Variants in MID1 observed in about 807,000 individuals in gnomAD.
The protein encoded by MID1 is midline 1.
A neutral mutation model predicts 40.4 loss-of-function variants in MID1; 7 were observed. That is an observed-to-expected ratio of 0.17 (90% CI 0.10 to 0.33). The LOEUF is 0.33. MID1 is among the 10% of genes least tolerant of loss of function. MID1 has a pLI of 1.00. For synonymous variants in MID1, 229 were observed against 221.2 expected (o/e 1.04, Z -0.31); for missense variants, 367 against 558.5 (o/e 0.66, Z 3.46).
At chrX:10,768,157 A>G (rs2043743621) in intron 1 of MID1, among the ~76,000 whole-genome samples, 1 of 111,821 alleles carries the variant, frequency 8.9e-6, no homozygotes, top group African/African-American at 3.2e-5. Context: ...TTTATTATAT[A>G]TAAAAGATAC....
intron 2 of MID1, among the ~76,000 whole-genome samples, chrX:10,533,132 T>C (rs1933043519): frequency 9.1e-6 from 1 of 109,739 alleles, no homozygotes; most frequent in Non-Finnish European, 1.9e-5. Context: ...TTATGACACA[T>C]GAAAAGTATA....
At chrX:10,679,035 C>T (rs1196989825) in intron 1 of MID1, among the ~76,000 whole-genome samples, 1 of 111,535 alleles carries the variant, frequency 9.0e-6, no homozygotes, top group African/African-American at 3.3e-5. Context: ...CACTTCTAGG[C>T]ACCTATTCTA....
intron 1 of MID1, among the ~76,000 whole-genome samples, chrX:10,827,447 G>T (rs1278815194): frequency 1.1e-4 from 6 of 56,362 alleles, no homozygotes; most frequent in Non-Finnish European, 1.6e-4. Flanking sequence ...TGCTCCCCCC[G>T]TCCCCCCCAC....
At chrX:10,705,611 G>A (rs1200085114) in intron 1 of MID1, among the ~76,000 whole-genome samples, 2 of 112,142 alleles carry the variant, frequency 1.8e-5, no homozygotes, top group Admixed American at 9.5e-5. Flanking sequence ...GAGGCCGTCA[G>A]CCACTACACT....
chrX:10,721,185 A>C (rs1174405929), intron 1 of MID1, among the ~76,000 whole-genome samples: 2 of 111,025 alleles, frequency 1.8e-5, no homozygotes, highest in Non-Finnish European at 3.8e-5. Context: ...GTACCCTAAA[A>C]CTTAAAGTAT....
intron 1 of MID1, among the ~76,000 whole-genome samples, chrX:10,727,135 A>G (rs2043398235): frequency 8.9e-6 from 1 of 111,754 alleles, no homozygotes; most frequent in African/African-American, 3.3e-5. Flanking sequence ...TTTTTTTGAG[A>G]CGGAGTTTCA....
intron 3 of MID1, among the ~76,000 whole-genome samples, chrX:10,514,825 T>C (rs765399462): frequency 9.0e-5 from 10 of 111,604 alleles, no homozygotes; most frequent in Non-Finnish European, 1.9e-4. Context: ...ATTATCATAA[T>C]TCTAGAGCCT....
intron 7 of MID1, among the ~76,000 whole-genome samples, chrX:10,462,688 C>T (rs1929120865): frequency 9.0e-6 from 1 of 110,731 alleles, no homozygotes; most frequent in Admixed American, 9.6e-5. Context: ...GGGTTAGAAG[C>T]ATTTCCCTAC....
At position 10,445,800 on chromosome X, in the gene MID1, T is replaced by G. The variant is rs192588923; in HGVS notation, c.*3568A>C. ...TTTTCAGATATCAGATTTTTGGAAC[T>G]ATTTTATAAATATTTTTAAAGGTGA... is the stretch of plus-strand genomic sequence containing the variant. On this transcript the variant is annotated 3_prime_UTR_variant, in exon 10 of 10. Transcript: ENST00000317552. 9.8e-5 allele frequency: 11 copies of G among 112,170 alleles called. No individual in the cohort carries two copies. In the East Asian group the frequency reaches 3.1e-3, roughly 31 times the overall value. The allele number at this position is 112,170 out of a possible 1,213,427, so 9.2% of individuals were successfully genotyped here. A position where few individuals can be genotyped will look rare whatever the true frequency, so the allele number is the denominator to read the frequency against.
At chrX:10,809,599 T>TA (rs1221742770) in intron 1 of MID1, among the ~76,000 whole-genome samples, 1 of 111,206 alleles carries the variant, frequency 9.0e-6, no homozygotes. Context: ...TATGCAGCCA[T>TA]AAAAAAGGAT....
intron 1 of MID1, among the ~76,000 whole-genome samples, chrX:10,675,383 C>T (rs183111953): frequency 3.0e-4 from 33 of 111,680 alleles, no homozygotes; most frequent in African/African-American, 1.1e-3. Flanking sequence ...AAGATTACCA[C>T]CCTGTCTTGG....
At chrX:10,785,254 T>C (rs1252731315) in intron 1 of MID1, among the ~76,000 whole-genome samples, 1 of 110,053 alleles carries the variant, frequency 9.1e-6, no homozygotes, top group East Asian at 2.8e-4. Context: ...GAATCCAACT[T>C]ACAAGGGATG....
intron 1 of MID1, among the ~76,000 whole-genome samples, chrX:10,769,255 T>C (rs1391698726): frequency 1.8e-5 from 2 of 110,731 alleles, no homozygotes; most frequent in Non-Finnish European, 3.8e-5. Context: ...AAACCCTCTT[T>C]ATCCTACCGC....
intron 1 of MID1, among the ~76,000 whole-genome samples, chrX:10,597,134 A>G (rs1201970957): frequency 1.8e-5 from 2 of 111,396 alleles, no homozygotes; most frequent in African/African-American, 6.5e-5. Context: ...TGTATAATGT[A>G]TATTGGTGAA....
At chrX:10,514,313 A>C (rs1356512072) in intron 3 of MID1, among the ~76,000 whole-genome samples, 1 of 112,384 alleles carries the variant, frequency 8.9e-6, no homozygotes, top group Non-Finnish European at 1.9e-5. Flanking sequence ...TCTAAAAGTA[A>C]TACCAGCTTA....
intron 1 of MID1, among the ~76,000 whole-genome samples, chrX:10,651,015 G>C (rs1471401201): frequency 6.3e-5 from 7 of 111,628 alleles, no homozygotes; most frequent in Non-Finnish European, 1.3e-4. Context: ...CACAAGAAAA[G>C]ATCCCCCACA....
At chrX:10,560,704 G>A (rs1208015038) in intron 2 of MID1, among the ~76,000 whole-genome samples, 1 of 110,870 alleles carries the variant, frequency 9.0e-6, no homozygotes, top group African/African-American at 3.3e-5. Flanking sequence ...ACAAACAACT[G>A]CTCAAGGAAA....
At chrX:10,766,058 AG>A (rs1371364401) in intron 1 of MID1, among the ~76,000 whole-genome samples, 3 of 111,539 alleles carry the variant, frequency 2.7e-5, no homozygotes, top group Non-Finnish European at 5.7e-5. Context: ...CTCTTGCCTT[AG>A]GGTCTGAGCA....
intron 3 of MID1, among the ~76,000 whole-genome samples, chrX:10,496,147 A>G (rs904153766): frequency 1.8e-5 from 2 of 112,652 alleles, no homozygotes; most frequent in Admixed American, 9.4e-5. Context: ...TCCGTAAGCA[A>G]TGTAGCAAGC....
Sources: allele counts gnomAD v4.1 joint callset (sites outside exome capture counted in the v4.1 genomes callset), GRCh38; gene constraint gnomAD v4.1.1; transcripts MANE v1.5; gene names NCBI Gene and HGNC (gene_info 2026-07-23, HGNC 2026-07-21).